The following MYRIP variants were observed in gnomAD, a reference collection of about 807,000 sequenced individuals.
MYRIP encodes myosin VIIA and Rab interacting protein, also known as rab effector MyRIP.
In MYRIP, 49 loss-of-function variants were observed where a neutral mutation model predicts 98.0. That is an observed-to-expected ratio of 0.50 (90% CI 0.40 to 0.63). MYRIP has a LOEUF of 0.63. Ranked by LOEUF, MYRIP falls within the 30% of genes least tolerant of loss-of-function variation. The pLI is 0.00. For synonymous variants in MYRIP, 404 were observed against 409.5 expected (o/e 0.99, Z 0.16); for missense variants, 1,004 against 1,058.2 (o/e 0.95, Z 0.71).
chr3:40,150,091 T>A (rs918091007), intron 3 of MYRIP, among the ~76,000 whole-genome samples: 2 of 152,046 alleles, frequency 1.3e-5, no homozygotes, highest in South Asian at 2.1e-4. Context: ...TTTTTTTTTT[T>A]ATTTATTTTT....
intron 3 of MYRIP, among the ~76,000 whole-genome samples, chr3:40,047,818 C>A (rs1218421080): frequency 1.3e-5 from 2 of 152,114 alleles, no homozygotes; most frequent in African/African-American, 2.4e-5. Context: ...TATGTTGTAC[C>A]TGGATCACAT....
At chr3:39,888,711 G>A (rs1575347727) in intron 1 of MYRIP, among the ~76,000 whole-genome samples, 3 of 152,226 alleles carry the variant, frequency 2.0e-5, no homozygotes, top group East Asian at 3.9e-4. Flanking sequence ...CTTCTGCACA[G>A]CAAAAGAAAC....
chr3:39,821,421 A>C (rs1941099475), intron 1 of MYRIP, among the ~76,000 whole-genome samples: 1 of 152,010 alleles, frequency 6.6e-6, no homozygotes, highest in African/African-American at 2.4e-5. Flanking sequence ...CAAAGAACCA[A>C]CTTTTGACTT....
chr3:40,094,167 A>C (rs1273423430), intron 3 of MYRIP, among the ~76,000 whole-genome samples: 1 of 152,068 alleles, frequency 6.6e-6, no homozygotes, highest in Non-Finnish European at 1.5e-5. Flanking sequence ...TGTTTACCCC[A>C]CTGGATTTAG....
chr3:40,092,174 G>A (rs1481546128), intron 3 of MYRIP, among the ~76,000 whole-genome samples: 1 of 152,152 alleles, frequency 6.6e-6, no homozygotes, highest in African/African-American at 2.4e-5. Flanking sequence ...AGGTACATCT[G>A]GAGCTCCAAG....
At chr3:39,916,463 AATAG>A (rs1944162757) in intron 2 of MYRIP, among the ~76,000 whole-genome samples, 1 of 152,062 alleles carries the variant, frequency 6.6e-6, no homozygotes, top group Non-Finnish European at 1.5e-5. Context: ...AAGAAAATAA[AATAG>A]ATACCCCCCA....
chr3:39,878,586 A>G (rs1165288013), intron 1 of MYRIP, among the ~76,000 whole-genome samples: 1 of 152,148 alleles, frequency 6.6e-6, no homozygotes, highest in African/African-American at 2.4e-5. Flanking sequence ...AGGTGTATAT[A>G]TATATACATT....
chr3:40,013,827 C>T (rs1946808942), intron 2 of MYRIP, among the ~76,000 whole-genome samples: 1 of 152,204 alleles, frequency 6.6e-6, no homozygotes, highest in African/African-American at 2.4e-5. Context: ...TCATTTTAGG[C>T]AGCTCAGGCA....
chr3:39,885,849 A>G (rs1033090208), intron 1 of MYRIP, among the ~76,000 whole-genome samples: 16 of 152,020 alleles, frequency 1.1e-4, no homozygotes, highest in Non-Finnish European at 1.6e-4. Context: ...CAGCTCCATC[A>G]GCTCCTTTAA....
At chr3:40,254,576 T>C (rs1953509873) in intron 16 of MYRIP, among the ~76,000 whole-genome samples, 1 of 152,036 alleles carries the variant, frequency 6.6e-6, no homozygotes, top group African/African-American at 2.4e-5. Flanking sequence ...AGGGTACAGA[T>C]CTTGGAGCTC....
At chr3:40,190,795 C>G (rs1374208970) in intron 10 of MYRIP, among the ~76,000 whole-genome samples, 1 of 152,136 alleles carries the variant, frequency 6.6e-6, no homozygotes, top group East Asian at 1.9e-4. Context: ...TTTTAACAAG[C>G]CCTCCTGGTG....
intron 3 of MYRIP, among the ~76,000 whole-genome samples, chr3:40,065,513 T>C (rs1207080032): frequency 2.6e-5 from 4 of 152,156 alleles, no homozygotes; most frequent in Non-Finnish European, 5.9e-5. Flanking sequence ...ATATCAGTCT[T>C]GCAGCTTGCA....
chr3:40,138,059 A>C (rs1457547295), intron 3 of MYRIP, among the ~76,000 whole-genome samples: 2 of 152,214 alleles, frequency 1.3e-5, no homozygotes, highest in Non-Finnish European at 2.9e-5. Flanking sequence ...TCCCTAGGGA[A>C]ATGGAGCAAA....
intron 3 of MYRIP, among the ~76,000 whole-genome samples, chr3:40,051,811 T>C (rs1300515814): frequency 6.6e-6 from 1 of 152,186 alleles, no homozygotes; most frequent in Non-Finnish European, 1.5e-5. Context: ...ACTTATTACT[T>C]GGTATTCACA....
chr3:39,840,721 A>C (rs1161830976), intron 1 of MYRIP, among the ~76,000 whole-genome samples: 1 of 152,186 alleles, frequency 6.6e-6, no homozygotes, highest in African/African-American at 2.4e-5. Context: ...CCACTTATGA[A>C]GCTTAGTTAG....
chr3:40,214,230 A>G (rs994126402), intron 11 of MYRIP, among the ~76,000 whole-genome samples: 1 of 152,228 alleles, frequency 6.6e-6, no homozygotes, highest in African/African-American at 2.4e-5. Context: ...CAAATTGGCT[A>G]CTGATAGGCC....
At chr3:40,209,765 A>G (rs1418945374) in intron 10 of MYRIP, 89 bp from the exon 11 acceptor site, 2 of 1,535,258 alleles carry the variant, frequency 1.3e-6, no homozygotes, top group Non-Finnish European at 1.8e-6. Flanking sequence ...ATATGTTCCT[A>G]TGTTCCTTTA....
chr3:40,032,510 G>A (rs1947283587), intron 2 of MYRIP, among the ~76,000 whole-genome samples: 1 of 152,060 alleles, frequency 6.6e-6, no homozygotes, highest in African/African-American at 2.4e-5. Context: ...CTGTTGATTT[G>A]GGGTGGAGAG....
intron 2 of MYRIP, among the ~76,000 whole-genome samples, chr3:40,024,132 T>G (rs1001072066): frequency 3.9e-5 from 6 of 152,170 alleles, no homozygotes; most frequent in Non-Finnish European, 7.4e-5. Flanking sequence ...TCTACTTGTA[T>G]ATGAAACATT....
Sources: gnomAD v4.1 joint callset for allele counts (sites outside exome capture counted in the v4.1 genomes callset) on GRCh38, gnomAD v4.1.1 for gene constraint, MANE v1.5 for transcripts, NCBI Gene and HGNC (gene_info 2026-07-23, HGNC 2026-07-21) for gene names.